The following STARD13 variants were observed in gnomAD, a reference collection of about 807,000 sequenced individuals.
STARD13 encodes stAR-related lipid transfer protein 13.
STARD13 carries 62 observed loss-of-function variants against 106.4 expected under a neutral mutation model. The observed-to-expected ratio is 0.58, with a 90% CI of 0.48 to 0.72. The LOEUF (loss-of-function observed/expected upper bound fraction) is 0.72, where lower values mean the gene tolerates loss of function less well. Among genes scored for constraint, STARD13 ranks in the 30% least tolerant of loss-of-function variants. STARD13 has a pLI of 0.00. For missense variants in STARD13, 1,387 were observed against 1,424.0 expected, an observed-to-expected ratio of 0.97 and a Z score of 0.42; for synonymous variants, 565 against 553.0, an observed-to-expected ratio of 1.02 and a Z score of -0.31.
intron 2 of STARD13, among the ~76,000 whole-genome samples, chr13:33,166,475 T>C (rs1036664234): frequency 1.1e-4 from 17 of 152,144 alleles, no homozygotes; most frequent in African/African-American, 3.9e-4. Flanking sequence ...CCTGGGCTCT[T>C]GCACTGTGCA....
At chr13:33,438,863 A>T in the STARD13 span, among the ~76,000 whole-genome samples, 17 of 152,224 alleles carry the variant, frequency 1.1e-4, no homozygotes, top group African/African-American at 4.1e-4. Flanking sequence ...GCACCAATGC[A>T]GATAAGGGTA....
intron 1 of STARD13, among the ~76,000 whole-genome samples, chr13:33,208,822 A>C (rs1358601702): frequency 6.6e-6 from 1 of 152,172 alleles, no homozygotes; most frequent in East Asian, 1.9e-4. Flanking sequence ...TTTTTCCTGG[A>C]GGTATTTGCA....
the STARD13 span, among the ~76,000 whole-genome samples, chr13:33,621,091 AAACTT>A: frequency 4.6e-5 from 7 of 151,964 alleles, no homozygotes; most frequent in South Asian, 8.3e-4. Flanking sequence ...AGAGCAAACT[AAACTT>A]AAAGTAGAAG....
the STARD13 span, among the ~76,000 whole-genome samples, chr13:33,505,010 G>T: frequency 6.6e-6 from 1 of 152,148 alleles, no homozygotes; most frequent in African/African-American, 2.4e-5. Context: ...ACTCATAGCA[G>T]CTTGGGTGTT....
chr13:33,381,098 T>C, the STARD13 span, among the ~76,000 whole-genome samples: 3 of 152,234 alleles, frequency 2.0e-5, no homozygotes, highest in Non-Finnish European at 4.4e-5. Context: ...TTCTGAGGAA[T>C]GTATATTTGA....
At chr13:33,189,797 GT>G (rs896387993) in intron 1 of STARD13, among the ~76,000 whole-genome samples, 21 of 151,976 alleles carry the variant, frequency 1.4e-4, no homozygotes, top group Non-Finnish European at 2.9e-4. Flanking sequence ...TCCTCCCTGT[GT>G]TCATCCTTGC....
the STARD13 span, among the ~76,000 whole-genome samples, chr13:33,453,019 T>A: frequency 2.6e-5 from 4 of 152,308 alleles, no homozygotes; most frequent in South Asian, 8.3e-4. Flanking sequence ...GAAATCCAAA[T>A]CAAGAGCTTG....
chr13:33,303,012 T>C (rs9569303), intron 1 of STARD13, among the ~76,000 whole-genome samples: 1 of 152,154 alleles, frequency 6.6e-6, no homozygotes. Context: ...AAATCATTCA[T>C]GTTTGGAAGG....
At chr13:33,254,375 G>T (rs1365123761) in intron 1 of STARD13, among the ~76,000 whole-genome samples, 1 of 152,212 alleles carries the variant, frequency 6.6e-6, no homozygotes, top group Non-Finnish European at 1.5e-5. Flanking sequence ...ACTGTGCTGA[G>T]TTGTCATTAT....
At chr13:33,418,312 A>G in the STARD13 span, among the ~76,000 whole-genome samples, 1 of 152,224 alleles carries the variant, frequency 6.6e-6, no homozygotes, top group Non-Finnish European at 1.5e-5. Flanking sequence ...GGCAGGTCCC[A>G]CGCCCACGGA....
At chr13:33,543,885 C>T in the STARD13 span, among the ~76,000 whole-genome samples, 6 of 152,198 alleles carry the variant, frequency 3.9e-5, no homozygotes, top group Non-Finnish European at 7.3e-5. Context: ...ACAGACGGTA[C>T]TAAAATATAC....
the STARD13 span, among the ~76,000 whole-genome samples, chr13:33,650,170 T>G: frequency 7.6e-5 from 3 of 39,724 alleles, no homozygotes; most frequent in East Asian, 5.7e-4. Context: ...TCCAATTTTT[T>G]TTTTTTTTTT....
At chr13:33,138,234 G>A (rs953034975) in intron 4 of STARD13, among the ~76,000 whole-genome samples, 2 of 152,086 alleles carry the variant, frequency 1.3e-5, no homozygotes, top group East Asian at 1.9e-4. Context: ...TTCAGTCTCT[G>A]GCTTTTACTT....
chr13:33,112,842 A>T lies in STARD13; in HGVS notation c.2371T>A (p.Cys791Ser), dbSNP rs1316998222. Reference sequence around the variant, plus strand: ...AAGTTGACGACGTCGTTCAGGAAACACAAGAGCGTCTGCAGGACCTCCCTG... The same window carrying T: ...AAGTTGACGACGTCGTTCAGGAAACTCAAGAGCGTCTGCAGGACCTCCCTG... ...ENREVLQTLL[C>S]FLNDVVNLVE... is the part of the protein sequence containing the mutation. Residue 791 changes from cysteine (C) to serine (S), a missense_variant, in exon 9 of 14, where the codon TGT becomes AGT. Physicochemically the swap from Cys to Ser is moderately radical, Grantham distance 112 (BLOSUM62 -1). Transcript: ENST00000336934. 6.2e-7 allele frequency: 1 copy of T among 1,613,966 alleles called. No individual in the cohort carries two copies. The highest frequency in any genetic ancestry group is 1.3e-5 in the African/African-American group (1 of 74,960).
chr13:33,473,982 T>A, the STARD13 span, among the ~76,000 whole-genome samples: 24 of 152,212 alleles, frequency 1.6e-4, no homozygotes, highest in Admixed American at 7.9e-4. Context: ...GACTTTGTTG[T>A]TGCAGCAGTT....
At chr13:33,127,616 C>T (rs1001984781) in intron 5 of STARD13, 70 bp from the exon 6 acceptor site, 171 of 1,439,770 alleles carry the variant, frequency 1.2e-4, no homozygotes, top group Non-Finnish European at 1.5e-4. Flanking sequence ...CGGGACATCA[C>T]CAAGGTACAC....
the STARD13 span, among the ~76,000 whole-genome samples, chr13:33,521,223 A>G: frequency 6.6e-6 from 1 of 152,144 alleles, no homozygotes; most frequent in African/African-American, 2.4e-5. Context: ...TTTACACATC[A>G]GGTAATTTAT....
the STARD13 span, among the ~76,000 whole-genome samples, chr13:33,411,754 C>T: frequency 3.9e-5 from 6 of 152,196 alleles, no homozygotes; most frequent in African/African-American, 9.6e-5. Flanking sequence ...GATTCTTTCA[C>T]TTAGTAATAT....
chr13:33,362,292 C>T, the STARD13 span, among the ~76,000 whole-genome samples: 1 of 152,104 alleles, frequency 6.6e-6, no homozygotes, highest in South Asian at 2.1e-4. Flanking sequence ...CTTGTGTGAA[C>T]TGACTGAGTG....
Sources: gnomAD v4.1 joint callset for allele counts (sites outside exome capture counted in the v4.1 genomes callset) on GRCh38, gnomAD v4.1.1 for gene constraint, MANE v1.5 for transcripts, NCBI Gene and HGNC (gene_info 2026-07-23, HGNC 2026-07-21) for gene names.